The following TRPC5 variants were observed in gnomAD, a reference collection of about 807,000 sequenced individuals.
TRPC5 encodes short transient receptor potential channel 5.
Under a neutral mutation model 56.5 loss-of-function variants are expected in TRPC5, and 9 were observed. The ratio of observed to expected loss-of-function variants is 0.16; its 90% CI spans 0.10 to 0.28. The LOEUF (loss-of-function observed/expected upper bound fraction) is 0.28, where lower values mean the gene tolerates loss of function less well. TRPC5 is among the 10% of genes least tolerant of loss of function. The pLI is 1.00. For synonymous variants in TRPC5, 282 were observed against 278.5 expected, an observed-to-expected ratio of 1.01 and a Z score of -0.13; for missense variants, 469 against 748.9, an observed-to-expected ratio of 0.63 and a Z score of 4.36.
At chrX:111,956,461 C>G (rs1346531216) in intron 1 of TRPC5, among the ~76,000 whole-genome samples, 8 of 110,926 alleles carry the variant, frequency 7.2e-5, no homozygotes, top group Non-Finnish European at 1.5e-4. Flanking sequence ...TAATATATAC[C>G]GGGCACTATA....
intron 7 of TRPC5, among the ~76,000 whole-genome samples, chrX:111,814,003 G>A (rs758744896): frequency 1.3e-3 from 149 of 112,124 alleles, no homozygotes; most frequent in African/African-American, 4.7e-3. Flanking sequence ...ATCATATGGG[G>A]CATTTGCTAA....
At chrX:111,806,338 G>A (rs1035092986) in intron 7 of TRPC5, among the ~76,000 whole-genome samples, 4 of 112,292 alleles carry the variant, frequency 3.6e-5, no homozygotes, top group African/African-American at 6.5e-5. Flanking sequence ...CAAGGTGTTG[G>A]CTAGAGCTAA....
At chrX:111,859,985 T>G (rs1923348769) in intron 3 of TRPC5, among the ~76,000 whole-genome samples, 1 of 113,239 alleles carries the variant, frequency 8.8e-6, no homozygotes, top group Non-Finnish European at 1.9e-5. Context: ...CTCAGCTCAC[T>G]GCAAGCTCCG....
intron 1 of TRPC5, among the ~76,000 whole-genome samples, chrX:112,008,599 C>CAAAAAAAAAAAAAAAAAAAAA (rs771663324): frequency 6.8e-5 from 5 of 74,036 alleles, no homozygotes; most frequent in African/African-American, 2.2e-4. Flanking sequence ...GACTCTGTCT[C>CAAAAAAAAAAAAAAAAAAAAA]AAAAAAAAAA....
intron 1 of TRPC5, among the ~76,000 whole-genome samples, chrX:112,006,442 C>T (rs1161792521): frequency 9.0e-6 from 1 of 111,516 alleles, no homozygotes; most frequent in Admixed American, 9.5e-5. Context: ...CTTATATTGA[C>T]CTTATGAGAT....
chrX:111,909,348 AAATAAATAAATT>A (rs1457114008), intron 3 of TRPC5, among the ~76,000 whole-genome samples: 6 of 97,100 alleles, frequency 6.2e-5, no homozygotes, highest in African/African-American at 2.1e-4. Flanking sequence ...ATAAATAAAT[AAATAAATAAATT>A]AATTAATTAA....
chrX:111,900,615 G>A lies in TRPC5; in HGVS notation c.900+11676C>T, dbSNP rs187265744. 3.5e-3 allele frequency among the ~76,000 whole-genome samples: 385 copies of A among 111,371 alleles called. 2 individuals carry two copies. Among genetic ancestry groups the A allele is most frequent in the African/African-American group, 0.012 (375 of 30,676 alleles). On this transcript the variant is annotated intron_variant, in intron 3 of 10. Coordinates refer to ENST00000262839, the MANE Select transcript of TRPC5 (RefSeq NM_012471.3). ...AAACTAATGTAGACCCTGAAGCTTC[G>A]GGGACTTTAAGTTTCAACTCAGCTC...
intron 1 of TRPC5, among the ~76,000 whole-genome samples, chrX:112,049,449 A>G (rs1183810521): frequency 9.3e-6 from 1 of 107,709 alleles, no homozygotes; most frequent in Non-Finnish European, 1.9e-5. Flanking sequence ...ACACACACAC[A>G]CACACATATA....
chrX:111,907,087 C>T (rs1032210454), intron 3 of TRPC5, among the ~76,000 whole-genome samples: 1 of 102,701 alleles, frequency 9.7e-6, no homozygotes, highest in Non-Finnish European at 2.0e-5. Flanking sequence ...CCCCTACAGG[C>T]TTCTTTCGGG....
At chrX:111,905,679 C>G (rs1451192438) in intron 3 of TRPC5, among the ~76,000 whole-genome samples, 3 of 110,790 alleles carry the variant, frequency 2.7e-5, no homozygotes, top group Non-Finnish European at 5.7e-5. Flanking sequence ...CTTTGGGAGG[C>G]CAAGGCAAGT....
intron 7 of TRPC5, among the ~76,000 whole-genome samples, chrX:111,826,043 G>A (rs1922225783): frequency 8.9e-6 from 1 of 112,151 alleles, no homozygotes; most frequent in South Asian, 3.8e-4. Context: ...GAAAAGCCTA[G>A]TTATCTTCCC....
At chrX:111,845,134 A>G (rs368000315) in intron 6 of TRPC5, among the ~76,000 whole-genome samples, 1 of 110,967 alleles carries the variant, frequency 9.0e-6, no homozygotes, top group African/African-American at 3.3e-5. Flanking sequence ...GCTACTCAGG[A>G]GGCTGAGGCA....
intron 1 of TRPC5, among the ~76,000 whole-genome samples, chrX:112,011,690 G>T (rs753698778): frequency 9.0e-6 from 1 of 111,053 alleles, no homozygotes; most frequent in East Asian, 2.9e-4. Context: ...TGGCTAAAAG[G>T]TGGCTATTTT....
At chrX:111,840,169 CAAACAA>C (rs971149787) in intron 6 of TRPC5, among the ~76,000 whole-genome samples, 18 of 111,774 alleles carry the variant, frequency 1.6e-4, no homozygotes, top group East Asian at 8.5e-4. Context: ...GACTCCGTCT[CAAACAA>C]AAACAAAAAC....
intron 3 of TRPC5, among the ~76,000 whole-genome samples, chrX:111,855,344 C>T (rs915544743): frequency 3.6e-5 from 4 of 111,436 alleles, no homozygotes; most frequent in African/African-American, 9.8e-5. Flanking sequence ...CCAGGTCTGG[C>T]CTATAGAAGT....
intron 3 of TRPC5, among the ~76,000 whole-genome samples, chrX:111,879,612 G>A (rs1200971433): frequency 8.9e-6 from 1 of 112,698 alleles, no homozygotes; most frequent in African/African-American, 3.2e-5. Flanking sequence ...AATCGAGGTT[G>A]TGCAAGGCAT....
At chrX:111,845,654 C>T (rs949676872) in intron 6 of TRPC5, among the ~76,000 whole-genome samples, 5 of 112,079 alleles carry the variant, frequency 4.5e-5, no homozygotes, top group Non-Finnish European at 9.4e-5. Flanking sequence ...AATGCAGTCT[C>T]CTGGTGCTCA....
At chrX:111,960,808 A>T (rs1007182344) in intron 1 of TRPC5, among the ~76,000 whole-genome samples, 7 of 110,533 alleles carry the variant, frequency 6.3e-5, no homozygotes, top group African/African-American at 2.3e-4. Context: ...TTATTATTTA[A>T]TTAATTAATT....
intron 2 of TRPC5, among the ~76,000 whole-genome samples, chrX:111,937,329 G>A (rs1156367797): frequency 9.8e-6 from 1 of 102,018 alleles, no homozygotes; most frequent in Admixed American, 1.0e-4. Flanking sequence ...CTTTTGCTGT[G>A]CAGAAGCTCT....
Sources: allele counts gnomAD v4.1 joint callset (sites outside exome capture counted in the v4.1 genomes callset), GRCh38; gene constraint gnomAD v4.1.1; transcripts MANE v1.5; gene names NCBI Gene and HGNC (gene_info 2026-07-23, HGNC 2026-07-21).